The following PHLDB3 variants were observed in gnomAD, a reference collection of about 807,000 sequenced individuals.
PHLDB3 encodes pleckstrin homology like domain family B member 3, also known as pleckstrin homology-like domain family B member 3.
PHLDB3 carries 86 observed loss-of-function variants against 85.7 expected under a neutral mutation model. That is an observed-to-expected ratio of 1.00 (90% CI 0.84 to 1.20). The LOEUF (loss-of-function observed/expected upper bound fraction) is 1.20. Among genes scored for constraint, PHLDB3 ranks in the 50% most tolerant of loss-of-function variants. The pLI is 0.00. For synonymous variants in PHLDB3, 376 were observed against 349.8 expected, an observed-to-expected ratio of 1.07 and a Z score of -0.83; for missense variants, 995 against 873.0, an observed-to-expected ratio of 1.14 and a Z score of -1.76.
intron 4 of PHLDB3, among the ~76,000 whole-genome samples, chr19:43,500,909 A>ACCTCCCCCCCCCCCCCCCCC (rs1971573935): frequency 1.2e-4 from 2 of 17,152 alleles, no homozygotes; most frequent in Non-Finnish European, 2.6e-4. Flanking sequence ...CGCCCCCCGT[A>ACCTCCCCCCCCCCCCCCCCC]CCCCCCCCCC....
At chr19:43,497,581 G>A (rs1397904750) in intron 5 of PHLDB3, among the ~76,000 whole-genome samples, 167 bp downstream of exon 5, 2 of 152,054 alleles carry the variant, frequency 1.3e-5, no homozygotes, top group Non-Finnish European at 1.5e-5. Flanking sequence ...GTGTGGTGGT[G>A]CGCACCTGTA....
In PHLDB3 at chr19:43,486,271, T is replaced by C. The variant is rs201917385; in HGVS notation, c.1480A>G (p.Ile494Val). 1.2e-6 allele frequency: 2 copies of C among 1,610,516 alleles called. No individual in the cohort carries two copies. The highest frequency in any genetic ancestry group is 1.1e-5 in the South Asian group (1 of 90,206). ...AGGGCGGGGGTGGGACTGACCGTGA[T>C]GGCAGGAACAGCAGGGCCTGAGGAA... ...EGSSGPAVPA[I>V]TAPPTPPHPP... Residue 494 changes from isoleucine to valine, a missense_variant, in exon 13 of 16, where the codon ATC becomes GTC. Physicochemically the swap from Ile to Val is conservative, Grantham distance 29 (BLOSUM62 3). Coordinates refer to ENST00000292140, the MANE Select transcript of PHLDB3 (RefSeq NM_198850.4).
Sources: gnomAD v4.1 joint callset for allele counts (sites outside exome capture counted in the v4.1 genomes callset) on GRCh38, gnomAD v4.1.1 for gene constraint, MANE v1.5 for transcripts, NCBI Gene and HGNC (gene_info 2026-07-23, HGNC 2026-07-21) for gene names.